The following PSD3 variants were observed in gnomAD, a reference collection of about 807,000 sequenced individuals.
PSD3 encodes pleckstrin and Sec7 domain containing 3.
Under a neutral mutation model 105.5 loss-of-function variants are expected in PSD3, and 49 were observed. That is an observed-to-expected ratio of 0.46 (90% CI 0.37 to 0.59). The LOEUF (loss-of-function observed/expected upper bound fraction) is 0.59. Ranked by LOEUF, PSD3 falls within the 20% of genes least tolerant of loss-of-function variation. The probability of loss-of-function intolerance (pLI) is 0.00; values close to 1 mark genes in which losing one functional copy is unlikely to be tolerated. For synonymous variants in PSD3, 557 were observed against 457.8 expected (o/e 1.22, Z -2.77); for missense variants, 1,561 against 1,263.8 (o/e 1.24, Z -3.57).
At chr8:18,609,109 T>C (rs143387840) in intron 11 of PSD3, among the ~76,000 whole-genome samples, 89 of 152,330 alleles carry the variant, frequency 5.8e-4, no homozygotes, top group Middle Eastern at 3.4e-3. Context: ...ATATTAATCT[T>C]TACTTCCTGT....
intron 9 of PSD3, among the ~76,000 whole-genome samples, chr8:18,757,748 A>G (rs964061604): frequency 2.0e-5 from 3 of 152,228 alleles, no homozygotes; most frequent in African/African-American, 7.2e-5. Context: ...AGAGTAAAAC[A>G]TGACAATAAA....
At chr8:18,651,816 T>C (rs746679436) in intron 10 of PSD3, among the ~76,000 whole-genome samples, 1 of 152,094 alleles carries the variant, frequency 6.6e-6, no homozygotes, top group Non-Finnish European at 1.5e-5. Context: ...GGGATACAGG[T>C]TCCTAGCAGA....
chr8:18,545,434 G>A (rs78742586), intron 15 of PSD3, among the ~76,000 whole-genome samples: 206 of 151,670 alleles, frequency 1.4e-3, no homozygotes, highest in African/African-American at 4.2e-3. Flanking sequence ...AACACACCCT[G>A]ATTTGATTAA....
upstream of PSD3, chr8:19,013,792 A>C: frequency 5.1e-6 from 1 of 197,212 alleles, no homozygotes; most frequent in Non-Finnish European, 9.6e-6. Context: ...GTAACGTCAA[A>C]GCGAAGGCGG....
chr8:18,930,772 G>C (rs1219480300), intron 2 of PSD3, among the ~76,000 whole-genome samples: 1 of 151,966 alleles, frequency 6.6e-6, no homozygotes. Flanking sequence ...GTTTCACCAT[G>C]TTGGCCAGGA....
At chr8:18,572,214 T>A (rs183454572) in intron 14 of PSD3, among the ~76,000 whole-genome samples, 18 of 152,340 alleles carry the variant, frequency 1.2e-4, no homozygotes, top group African/African-American at 4.1e-4. Flanking sequence ...AAGAAAAGCT[T>A]GTTACCAAGC....
At chr8:18,866,677 C>T (rs567940323) in intron 4 of PSD3, among the ~76,000 whole-genome samples, 14 of 152,032 alleles carry the variant, frequency 9.2e-5, no homozygotes, top group Non-Finnish European at 1.9e-4. Flanking sequence ...ATTTGCTCAT[C>T]TAATGAACTA....
rs71510632 is a variant in PSD3 at position 18,929,116 on chromosome 8, C to T, written c.130+6918G>A. Among the ~76,000 whole-genome samples, 1,277 of 152,196 alleles carry T rather than the reference C, an allele frequency of 8.4e-3. 7 individuals are homozygous for T. The highest frequency in any genetic ancestry group is 0.012 in the Non-Finnish European group (836 of 68,002). Reference sequence around the variant, plus strand: ...ATTGTATGGTTTACAAATTGTATCTCAATAAAGTTATTTTTTAAAGTATTC... The same window carrying T: ...ATTGTATGGTTTACAAATTGTATCTTAATAAAGTTATTTTTTAAAGTATTC... On this transcript the variant is annotated intron_variant, in intron 2 of 15. Coordinates refer to ENST00000327040, the MANE Select transcript of PSD3 (RefSeq NM_015310.4).
chr8:18,615,480 T>C (rs538254231), intron 11 of PSD3, among the ~76,000 whole-genome samples: 1 of 152,276 alleles, frequency 6.6e-6, no homozygotes, highest in Non-Finnish European at 1.5e-5. Context: ...CCCTTCTATA[T>C]AGAAGTAACG....
At chr8:18,678,812 CAAA>C (rs10708717) in intron 9 of PSD3, among the ~76,000 whole-genome samples, 1 of 146,862 alleles carries the variant, frequency 6.8e-6, no homozygotes. Context: ...AACTCCGTCT[CAAA>C]AAAAAAAAAA....
chr8:19,052,809 C>T lies in PSD3; in HGVS notation c.324+31397G>A, dbSNP rs1586671383. 5.7e-4 allele frequency among the ~76,000 whole-genome samples: 3 copies of T among 5,290 alleles called. No homozygotes were observed. In the South Asian group the frequency reaches 0.022, roughly 39 times the overall value. The allele number at this position is 5,290 out of a possible 152,430, so 3.5% of individuals were successfully genotyped here. The stretch of plus-strand genomic sequence containing the variant: ...GTGGGTGGGTGGGTCCATTGGGTGC[C>T]CCCAAGACTTGAAAATCAGGCACAC... On this transcript the variant is annotated intron_variant, in intron 1 of 1. Coordinates refer to the PSD3 transcript ENST00000521475.
At chr8:18,895,477 G>C (rs986648528) in intron 2 of PSD3, among the ~76,000 whole-genome samples, 3 of 152,100 alleles carry the variant, frequency 2.0e-5, no homozygotes, top group African/African-American at 7.2e-5. Context: ...AGCATCTCTT[G>C]TCTACAGTGC....
At chr8:18,802,513 A>C (rs1810790539) in intron 6 of PSD3, among the ~76,000 whole-genome samples, 1 of 152,218 alleles carries the variant, frequency 6.6e-6, no homozygotes. Flanking sequence ...ACAAAACTTT[A>C]ATTTTTCATA....
At chr8:18,787,980 T>C (rs1809342699) in intron 8 of PSD3, among the ~76,000 whole-genome samples, 1 of 152,218 alleles carries the variant, frequency 6.6e-6, no homozygotes, top group Non-Finnish European at 1.5e-5. Flanking sequence ...AAGTCATATA[T>C]TCTGTTACAG....
At chr8:18,643,799 C>T (rs1463679841) in intron 10 of PSD3, among the ~76,000 whole-genome samples, 1 of 152,234 alleles carries the variant, frequency 6.6e-6, no homozygotes, top group Non-Finnish European at 1.5e-5. Flanking sequence ...GAATATCCCA[C>T]ATCTTTTGAA....
intron 1 of PSD3, among the ~76,000 whole-genome samples, chr8:18,939,923 T>C (rs1232517586): frequency 1.3e-5 from 2 of 152,184 alleles, no homozygotes; most frequent in East Asian, 1.9e-4. Context: ...GAAAACACAC[T>C]GTAAGATAAG....
intron 14 of PSD3, among the ~76,000 whole-genome samples, chr8:18,559,138 G>C (rs1419604080): frequency 6.6e-6 from 1 of 152,122 alleles, no homozygotes; most frequent in African/African-American, 2.4e-5. Context: ...TTTTTCTATA[G>C]TGTGTCACAA....
chr8:18,646,710 C>A (rs1050246982), intron 10 of PSD3, among the ~76,000 whole-genome samples: 1 of 151,954 alleles, frequency 6.6e-6, no homozygotes, highest in African/African-American at 2.4e-5. Context: ...GAAAACTATT[C>A]GTCCTTATGA....
intron 9 of PSD3, among the ~76,000 whole-genome samples, chr8:18,670,769 A>G (rs745802380): frequency 8.5e-5 from 13 of 152,226 alleles, no homozygotes; most frequent in Admixed American, 3.9e-4. Flanking sequence ...TTTGTGGGGG[A>G]AAAATGTGTG....
Sources: allele counts gnomAD v4.1 joint callset (sites outside exome capture counted in the v4.1 genomes callset), GRCh38; gene constraint gnomAD v4.1.1; transcripts MANE v1.5; gene names NCBI Gene and HGNC (gene_info 2026-07-23, HGNC 2026-07-21).